Variants in OXNAD1 observed in about 807,000 individuals in gnomAD.
OXNAD1 encodes oxidoreductase NAD-binding domain-containing protein 1.
OXNAD1 carries 34 observed loss-of-function variants against 32.9 expected under a neutral mutation model. That is an observed-to-expected ratio of 1.03 (90% confidence interval 0.79 to 1.38). The LOEUF (loss-of-function observed/expected upper bound fraction) is 1.38, where lower values mean the gene tolerates loss of function less well. Among genes scored for constraint, OXNAD1 ranks in the 40% most tolerant of loss-of-function variants. The probability of loss-of-function intolerance (pLI) is 0.00; values close to 1 mark genes in which losing one functional copy is unlikely to be tolerated. For missense variants in OXNAD1, 407 were observed against 379.4 expected, an observed-to-expected ratio of 1.07 and a Z score of -0.60; for synonymous variants, 134 against 135.2, an observed-to-expected ratio of 0.99 and a Z score of 0.06.
rs993894610 is a variant in OXNAD1 at position 16,278,012 on chromosome 3, G to C, written c.183+6290G>C. On this transcript the variant is annotated intron_variant, in intron 4 of 8. Coordinates refer to ENST00000285083, the MANE Select transcript of OXNAD1 (RefSeq NM_138381.5). Reference sequence around the variant, plus strand: ...AAATTTTACTGGAGGGGGTCATTCCGTGCTTGGCCTCTACAGACTGTTGGC... The same window carrying C: ...AAATTTTACTGGAGGGGGTCATTCCCTGCTTGGCCTCTACAGACTGTTGGC... 2.6e-5 allele frequency among the ~76,000 whole-genome samples: 4 copies of C among 152,298 alleles called. No individual in the cohort carries two copies. In the East Asian group the frequency reaches 5.8e-4, roughly 22 times the overall value.
chr3:16,349,518 G>GT (rs774603449), exon 10 of OXNAD1: 1 of 152,174 alleles, frequency 6.6e-6, no homozygotes, highest in Non-Finnish European at 1.5e-5. Flanking sequence ...ATGAGATGAG[G>GT]TATGTGAACT....
intron 9 of OXNAD1, among the ~76,000 whole-genome samples, chr3:16,330,105 A>C (rs1283278436): frequency 6.6e-6 from 1 of 152,228 alleles, no homozygotes; most frequent in East Asian, 1.9e-4. Context: ...GTACAGAATC[A>C]TAAAGGCCAA....
chr3:16,351,876 G>C (rs556999808), downstream of OXNAD1, among the ~76,000 whole-genome samples: 66 of 151,230 alleles, frequency 4.4e-4, no homozygotes, highest in Non-Finnish European at 8.4e-4. The surrounding 1 kb of genome is among the most constrained non-coding windows in gnomAD (Gnocchi z 5.4). Flanking sequence ...GGACTAGAAA[G>C]ACTAGAAAAA....
rs1001569451 is a variant in OXNAD1 at position 16,287,512 on chromosome 3, A to G, written c.290+1064A>G. Among the ~76,000 whole-genome samples, 2 of 152,236 alleles carry G rather than the reference A, an allele frequency of 1.3e-5. No homozygotes were observed. The highest frequency in any genetic ancestry group is 2.9e-5 in the Non-Finnish European group (2 of 68,048). On this transcript the variant is annotated intron_variant, in intron 5 of 8. Transcript: ENST00000285083. This position sits in a 1 kb window ranked among gnomAD's most constrained non-coding sequence, Gnocchi z 4.8. ...TTGCCTGTTTTAGGGGGCGGGCAAC[A>G]TATTTACCCTTCAAAAATGGTTTAG...
intron 4 of OXNAD1, chr3:16,272,403 T>C (rs1246568640): frequency 4.7e-6 from 1 of 214,194 alleles, no homozygotes; most frequent in Non-Finnish European, 9.6e-6. Context: ...TACTCAGATA[T>C]ATTTAGCTTA....
downstream of OXNAD1, among the ~76,000 whole-genome samples, chr3:16,350,492 CT>C (rs11324617): frequency 0.43 from 62,783 of 146,358 alleles, 13,115 homozygotes; most frequent in East Asian, 0.49. Context: ...AGATGAATCA[CT>C]TTTTTTTTTT....
In OXNAD1 at chr3:16,303,226, G is replaced by A. The variant is rs183056676; in HGVS notation, c.785-182G>A. ...TGCTTGCTTAGGTTTAGGAAGCCTG[G>A]AGATGCACTCTGCTTGGGTCTGGGC... On this transcript the variant is annotated intron_variant, in intron 8 of 8. Transcript: ENST00000285083. This position sits in a 1 kb window ranked among gnomAD's most constrained non-coding sequence, Gnocchi z 4.8. Among the ~76,000 whole-genome samples the A allele has an allele frequency of 4.5e-4, 69 of 152,312 alleles. No homozygotes were observed. The highest frequency in any genetic ancestry group is 4.4e-3 in the Admixed American group (68 of 15,292).
In OXNAD1 at chr3:16,284,214, A is replaced by T. The variant is rs1304285880; in HGVS notation, c.184-2128A>T. On this transcript the variant is annotated intron_variant, in intron 4 of 8. Transcript: ENST00000285083. This position sits in a 1 kb window ranked among gnomAD's most constrained non-coding sequence, Gnocchi z 4.1. Reference sequence around the variant, plus strand: ...TGCTCAGTCTTTAAGGCCCTGGTGCAAAAGCATTGGTATGGTGGCATATAT... The same window carrying T: ...TGCTCAGTCTTTAAGGCCCTGGTGCTAAAGCATTGGTATGGTGGCATATAT... 6.6e-6 allele frequency among the ~76,000 whole-genome samples: 1 copy of T among 152,236 alleles called. No homozygotes were observed. Among genetic ancestry groups the T allele is most frequent in the Non-Finnish European group, 1.5e-5 (1 of 68,044 alleles).
At chr3:16,306,323 T>G (rs999048773), downstream of OXNAD1, among the ~76,000 whole-genome samples, 2 of 151,994 alleles carry the variant, frequency 1.3e-5, no homozygotes, top group African/African-American at 4.8e-5. Flanking sequence ...TGTGGGGGTG[T>G]TCTTCTTGCT....
At chr3:16,296,007 A>G (rs1327207149) in intron 6 of OXNAD1, among the ~76,000 whole-genome samples, 1 of 152,208 alleles carries the variant, frequency 6.6e-6, no homozygotes, top group Non-Finnish European at 1.5e-5. Flanking sequence ...AGCACCAACA[A>G]AAATACATGA....
downstream of OXNAD1, among the ~76,000 whole-genome samples, chr3:16,340,479 T>TTGCC (rs1024937222): frequency 6.6e-6 from 1 of 152,254 alleles, no homozygotes; most frequent in African/African-American, 2.4e-5. Context: ...ATCAGCAAGG[T>TTGCC]TGCCCTATGG....
At chr3:16,310,991 CAAAAAAAAAAA>C (rs1003070321), downstream of OXNAD1, among the ~76,000 whole-genome samples, 11 of 57,558 alleles carry the variant, frequency 1.9e-4, no homozygotes, top group Admixed American at 1.2e-3. Context: ...ACTCAGTCTC[CAAAAAAAAAAA>C]AAAAAAAAAA....
At chr3:16,330,288 G>T (rs2070181054) in intron 9 of OXNAD1, among the ~76,000 whole-genome samples, 2 of 152,182 alleles carry the variant, frequency 1.3e-5, no homozygotes, top group South Asian at 4.1e-4. Context: ...AATGGTCTTG[G>T]CTTAATTAAT....
At chr3:16,272,365 G>C (rs6797005) in intron 4 of OXNAD1, 35,841 of 230,662 alleles carry the variant, frequency 0.16, 3,058 homozygotes, top group African/African-American at 0.23. Flanking sequence ...TCGGATATTT[G>C]ATTTTGCTTT....
At position 16,348,262 on chromosome 3, in the gene OXNAD1, G is replaced by A. The variant is rs2071867313; in HGVS notation, c.*31-914G>A. Among the ~76,000 whole-genome samples the A allele has an allele frequency of 6.6e-6, 1 of 152,022 alleles. No homozygotes were observed. The highest frequency in any genetic ancestry group is 6.5e-5 in the Admixed American group (1 of 15,270). On this transcript the variant is annotated intron_variant, in intron 9 of 9. Coordinates refer to the OXNAD1 transcript ENST00000606098. The surrounding 1 kb of genome is among the most constrained non-coding windows in gnomAD (Gnocchi z 6.3). ...AGGAAGCCGAGGCATCTAGATCACT[G>A]ACATTATCCATAATCAGAGGCGTCT...
downstream of OXNAD1, among the ~76,000 whole-genome samples, chr3:16,306,414 C>A (rs2067564491): frequency 2.6e-5 from 4 of 152,262 alleles, no homozygotes; most frequent in Middle Eastern, 3.4e-3. Context: ...AGATACATCA[C>A]CTCAGCACAA....
At chr3:16,274,805 G>A (rs1238261104) in intron 4 of OXNAD1, among the ~76,000 whole-genome samples, 1 of 152,224 alleles carries the variant, frequency 6.6e-6, no homozygotes, top group Admixed American at 6.5e-5. Context: ...TGACCGAATC[G>A]TACCATTTAT....
At position 16,280,156 on chromosome 3, in the gene OXNAD1, G is replaced by A. The variant is rs561737182; in HGVS notation, c.184-6186G>A. Among the ~76,000 whole-genome samples the A allele has an allele frequency of 1.3e-5, 2 of 152,266 alleles. No homozygotes were observed. Among genetic ancestry groups the A allele is most frequent in the East Asian group, 3.9e-4 (2 of 5,184 alleles). On this transcript the variant is annotated intron_variant, in intron 4 of 8. Transcript: ENST00000285083. The surrounding 1 kb of genome is among the most constrained non-coding windows in gnomAD (Gnocchi z 4.5). ...GTAAGGATGTCTATAAGTGTTTGCT[G>A]CTGTTGTTGTTGTTACATGTTACAT... is the stretch of plus-strand genomic sequence containing the variant.
chr3:16,344,331 T>G lies in OXNAD1; in HGVS notation c.*31-4845T>G, dbSNP rs963933484. ...TGGATTAGATCAGTAATTTTCAAGG[T>G]TTTTTTTTTTTAATTAGTAGGATGC... On this transcript the variant is annotated intron_variant, in intron 9 of 9. Transcript: ENST00000606098. The surrounding 1 kb of genome is among the most constrained non-coding windows in gnomAD (Gnocchi z 4.4). Among the ~76,000 whole-genome samples, 6 of 79,736 alleles carry G rather than the reference T, an allele frequency of 7.5e-5. No homozygotes were observed. The East Asian group carries it at 1.3e-3, about 17-fold the overall frequency. 52.3% of individuals were successfully genotyped at this position (79,736 alleles called of 152,430 possible).
Sources: gnomAD v4.1 joint callset for allele counts (sites outside exome capture counted in the v4.1 genomes callset) on GRCh38, gnomAD v4.1.1 for gene constraint, Gnocchi (gnomAD v3.1) non-coding constraint, MANE v1.5 for transcripts, NCBI Gene and HGNC (gene_info 2026-07-23, HGNC 2026-07-21) for gene names.